MRPS27: variants seen among roughly 807,000 people sequenced by gnomAD.
MRPS27 encodes mitochondrial ribosomal protein S27.
In MRPS27, 43 loss-of-function variants were observed where a neutral mutation model predicts 48.9. The observed-to-expected ratio is 0.88, with a 90% CI of 0.69 to 1.13. The LOEUF (loss-of-function observed/expected upper bound fraction) is 1.13. Ranked by LOEUF, MRPS27 falls within the 50% of genes most tolerant of loss-of-function variation. The probability of loss-of-function intolerance (pLI) is 0.00; values close to 1 mark genes in which losing one functional copy is unlikely to be tolerated. For missense variants in MRPS27, 467 were observed against 476.3 expected (o/e 0.98, Z 0.18); for synonymous variants, 188 against 171.9 (o/e 1.09, Z -0.73).
intron 1 of MRPS27, among the ~76,000 whole-genome samples, chr5:72,318,868 C>G (rs1306183696): frequency 6.6e-6 from 1 of 150,962 alleles, no homozygotes; most frequent in East Asian, 1.9e-4. Context: ...TAGTTGTTCA[C>G]GGAAACCACA....
At chr5:72,279,582 C>A (rs1305037885) in intron 4 of MRPS27, among the ~76,000 whole-genome samples, 1 of 152,088 alleles carries the variant, frequency 6.6e-6, no homozygotes, top group East Asian at 1.9e-4. Flanking sequence ...CACAGCGAGA[C>A]CCTGTCTCTT....
At position 72,261,148 on chromosome 5, in the gene MRPS27, C is replaced by A. The variant is rs562276980; in HGVS notation, c.282-23020G>T. On this transcript the variant is annotated intron_variant, in intron 4 of 10. Coordinates refer to ENST00000261413, the MANE Select transcript of MRPS27 (RefSeq NM_015084.3). The stretch of plus-strand genomic sequence containing the variant: ...AAAGTGCTGGGATTACAGGTGTGAG[C>A]CACTGCAACTGGCCAATCACTACAT... Among the ~76,000 whole-genome samples the A allele has an allele frequency of 1.6e-4, 24 of 152,328 alleles. No individual in the cohort carries two copies. In the South Asian group the frequency reaches 2.7e-3, roughly 17 times the overall value.
At position 72,223,695 on chromosome 5, in the gene MRPS27, C is replaced by T; in HGVS notation, c.993G>A (p.Leu331=). ...ETEQSKLPQY[L]ERFKALHSKL... ...TGCTATGATTCACCTTAAATCGTTC[C>T]AGGTATTGAGGAAGCTTGGACTGCT... Residue 331 remains leucine, a synonymous_variant, in exon 10 of 11, where the codon CTG becomes CTA. Transcript: ENST00000261413. 1 of 1,613,958 alleles carries T rather than the reference C, an allele frequency of 6.2e-7. No homozygotes were observed. Among genetic ancestry groups the T allele is most frequent in the African/African-American group, 1.3e-5 (1 of 75,016 alleles).
intron 4 of MRPS27, among the ~76,000 whole-genome samples, chr5:72,253,681 A>G (rs1261735860): frequency 6.6e-6 from 1 of 152,218 alleles, no homozygotes; most frequent in Admixed American, 6.5e-5. Context: ...TAGGGACAGA[A>G]ATTAAATAAA....
intron 1 of MRPS27, among the ~76,000 whole-genome samples, chr5:72,318,566 G>A (rs1355186327): frequency 6.6e-6 from 1 of 152,210 alleles, no homozygotes; most frequent in Non-Finnish European, 1.5e-5. Context: ...AAGTAGAGGC[G>A]GGTGGATCAC....
At chr5:72,301,199 A>G (rs1488576302) in intron 2 of MRPS27, among the ~76,000 whole-genome samples, 1 of 152,184 alleles carries the variant, frequency 6.6e-6, no homozygotes, top group African/African-American at 2.4e-5. Flanking sequence ...CTGGGGGAAA[A>G]CAACTTTAGA....
rs910147853 is a variant in MRPS27 at position 72,220,299 on chromosome 5, T to C, written c.*610A>G. 3.3e-5 allele frequency: 5 copies of C among 152,762 alleles called. No homozygotes were observed. Among genetic ancestry groups the C allele is most frequent in the African/African-American group, 1.2e-4 (5 of 41,446 alleles). The allele number at this position is 152,762 out of a possible 1,614,324, so 9.5% of individuals were successfully genotyped here. A position where few individuals can be genotyped will look rare whatever the true frequency, so the allele number is the denominator to read the frequency against. On this transcript the variant is annotated 3_prime_UTR_variant, in exon 11 of 11. Coordinates refer to ENST00000261413, the MANE Select transcript of MRPS27 (RefSeq NM_015084.3). ...ACTTTGGGAGGCTGAGGCGGGCAGATCACTTGAGGTCAGGAGGTTGAGACC... is the reference window on the plus strand; with the variant it reads ...ACTTTGGGAGGCTGAGGCGGGCAGACCACTTGAGGTCAGGAGGTTGAGACC...
intron 2 of MRPS27, among the ~76,000 whole-genome samples, chr5:72,299,141 C>A (rs2112068566): frequency 6.6e-6 from 1 of 152,122 alleles, no homozygotes; most frequent in Admixed American, 6.5e-5. Context: ...GGGAAGGGGG[C>A]AAGGGCTGAC....
chr5:72,236,719 A>G (rs1748206865), intron 5 of MRPS27, among the ~76,000 whole-genome samples: 1 of 152,028 alleles, frequency 6.6e-6, no homozygotes, highest in Non-Finnish European at 1.5e-5. Context: ...AAGGCAATGT[A>G]TTACTGTTCA....
At chr5:72,266,814 C>T (rs1055481077) in intron 4 of MRPS27, among the ~76,000 whole-genome samples, 1 of 151,890 alleles carries the variant, frequency 6.6e-6, no homozygotes, top group Admixed American at 6.6e-5. Context: ...GAGCAGAGAT[C>T]GCCCCACTGC....
At chr5:72,300,754 C>A (rs967528730) in intron 2 of MRPS27, among the ~76,000 whole-genome samples, 2 of 152,186 alleles carry the variant, frequency 1.3e-5, no homozygotes, top group African/African-American at 4.8e-5. Flanking sequence ...ATCTCCTGAC[C>A]TTGTTTTAAC....
At chr5:72,223,067 C>T (rs865951503) in intron 10 of MRPS27, among the ~76,000 whole-genome samples, 24 of 152,174 alleles carry the variant, frequency 1.6e-4, no homozygotes, top group African/African-American at 3.6e-4. Context: ...AGAGTTCAAA[C>T]ACTGAACACG....
intron 7 of MRPS27, chr5:72,229,582 C>T (rs1747998172): frequency 6.6e-6 from 1 of 152,194 alleles, no homozygotes; most frequent in Non-Finnish European, 1.5e-5. Flanking sequence ...ACATTTTTCC[C>T]CCTGTAGGGA....
intron 10 of MRPS27, 117 bp downstream of exon 10, chr5:72,223,566 G>T: frequency 1.6e-6 from 2 of 1,254,162 alleles, no homozygotes; most frequent in Non-Finnish European, 1.1e-6. Context: ...AATTTTTGAT[G>T]TCAGTTTTTA....
Position 72,228,335 on chromosome 5 carries a change from A to G in MRPS27, c.625T>C (p.Leu209=). Residue 209 remains leucine, a synonymous_variant, in exon 8 of 11, where the codon TTG becomes CTG. Coordinates refer to ENST00000261413, the MANE Select transcript of MRPS27 (RefSeq NM_015084.3). ...TTCTTTTGTTTTAGGCCTGGAAGCA[A>G]AAGGGATGCACCAAAGTTCCTCTCC... The part of the protein sequence containing the change: ...EEERNFGASL[L]LPGLKQKNSV... 6.2e-7 allele frequency: 1 copy of G among 1,613,604 alleles called. No individual in the cohort carries two copies. The highest frequency in any genetic ancestry group is 8.5e-7 in the Non-Finnish European group (1 of 1,179,674).
chr5:72,310,736 T>A (rs1046817998), intron 2 of MRPS27, among the ~76,000 whole-genome samples: 21 of 152,222 alleles, frequency 1.4e-4, no homozygotes, highest in Admixed American at 1.3e-4. Context: ...AAACTTTTGA[T>A]AAACAACATA....
At chr5:72,252,283 T>C (rs562983449) in intron 4 of MRPS27, among the ~76,000 whole-genome samples, 4 of 152,328 alleles carry the variant, frequency 2.6e-5, no homozygotes, top group African/African-American at 9.6e-5. Context: ...TAAGTATATT[T>C]CTCTGAATGA....
chr5:72,254,075 G>A (rs1748733007), intron 4 of MRPS27, among the ~76,000 whole-genome samples: 1 of 152,104 alleles, frequency 6.6e-6, no homozygotes, highest in African/African-American at 2.4e-5. Flanking sequence ...CCCTGCATCT[G>A]GCTTAATTTT....
chr5:72,304,530 T>A (rs1750209620), intron 2 of MRPS27, among the ~76,000 whole-genome samples: 2 of 152,196 alleles, frequency 1.3e-5, no homozygotes, highest in African/African-American at 2.4e-5. Context: ...TGTATTAATA[T>A]CAGACACAAT....
Sources: gnomAD v4.1 joint callset for allele counts (sites outside exome capture counted in the v4.1 genomes callset) on GRCh38, gnomAD v4.1.1 for gene constraint, MANE v1.5 for transcripts, NCBI Gene and HGNC (gene_info 2026-07-23, HGNC 2026-07-21) for gene names.